BCL2L11: variants seen among roughly 807,000 people sequenced by gnomAD.
BCL2L11 encodes bcl-2-like protein 11.
BCL2L11 carries 15 observed loss-of-function variants against 20.6 expected under a neutral mutation model. That is an observed-to-expected ratio of 0.73 (90% CI 0.49 to 1.12). BCL2L11 has a LOEUF of 1.12. BCL2L11 is among the 50% of genes most tolerant of loss of function. The pLI is 0.00. For synonymous variants in BCL2L11, 108 were observed against 92.8 expected (o/e 1.16, Z -0.94); for missense variants, 292 against 260.9 (o/e 1.12, Z -0.82).
At position 111,133,822 on chromosome 2, in the gene BCL2L11, T is replaced by G. The variant is rs73954945; in HGVS notation, c.394+9683T>G. Among the ~76,000 whole-genome samples the G allele has an allele frequency of 6.1e-3, 929 of 152,330 alleles. 5 individuals carry two copies. The highest frequency in any genetic ancestry group is 0.021 in the African/African-American group (867 of 41,572). ...GTTCTGTCAGTTGCTGAGAATGTGG[T>G]GCTGAAATCCCCAGCTGTTTCCTTT... On this transcript the variant is annotated intron_variant, in intron 2 of 3. Coordinates refer to ENST00000393256, the MANE Select transcript of BCL2L11 (RefSeq NM_138621.5).
chr2:111,123,702 A>G, intron 1 of BCL2L11, 31 bp from the exon 2 acceptor site: 1 of 1,375,470 alleles, frequency 7.3e-7, no homozygotes, highest in Non-Finnish European at 9.5e-7. Context: ...TTTTTTGCTT[A>G]AAATAATCTT....
intron 1 of BCL2L11, chr2:111,123,266 C>T (rs2071629649): frequency 3.0e-6 from 3 of 985,492 alleles, no homozygotes; most frequent in Non-Finnish European, 3.6e-6. Context: ...AGACTTGCTG[C>T]CCTCAGCATT....
intron 1 of BCL2L11, among the ~76,000 whole-genome samples, chr2:111,121,453 C>G (rs1157238677): frequency 6.6e-6 from 1 of 152,232 alleles, no homozygotes; most frequent in Non-Finnish European, 1.5e-5. Context: ...GCGCGCGGGC[C>G]TGGTGAAGGG....
chr2:111,121,004 G>A lies in BCL2L11; in HGVS notation c.-198G>A, dbSNP rs1221934616. 2 of 400,246 alleles carry A rather than the reference G, an allele frequency of 5.0e-6. No homozygotes were observed. The highest frequency in any genetic ancestry group is 4.4e-6 in the Non-Finnish European group (1 of 226,838). The allele number at this position is 400,246 out of a possible 1,614,324, so 24.8% of individuals were successfully genotyped here. ...TGCCGCCGCCGCCGCCGCCGCCGCC[G>A]CCGCCGCCGCCGCCGCCACTACCAC... is the stretch of plus-strand genomic sequence containing the variant. On this transcript the variant is annotated 5_prime_UTR_variant, in exon 1 of 4. Coordinates refer to ENST00000393256, the MANE Select transcript of BCL2L11 (RefSeq NM_138621.5).
In BCL2L11 at chr2:111,164,493, T is replaced by C. The variant is rs1323622237; in HGVS notation, c.*262T>C. 9 of 330,056 alleles carry C rather than the reference T, an allele frequency of 2.7e-5. No homozygotes were observed. The East Asian group carries it at 4.4e-4, about 16-fold the overall frequency. 20.4% of individuals were successfully genotyped at this position (330,056 alleles called of 1,614,324 possible). A position where few individuals can be genotyped will look rare whatever the true frequency, so the allele number is the denominator to read the frequency against. On this transcript the variant is annotated 3_prime_UTR_variant, in exon 4 of 4. Transcript: ENST00000393256. ...TTTTAATATACAAACCATGGTTTTT[T>C]GGAGCAGGATTTTGTGTAAGAATGG...
At chr2:111,124,219 C>T (rs1370013595) in intron 2 of BCL2L11, 80 bp downstream of exon 2, 4 of 1,430,070 alleles carry the variant, frequency 2.8e-6, no homozygotes, top group African/African-American at 1.4e-5. Flanking sequence ...ATTTAAAATC[C>T]CCTTTTAAAA....
chr2:111,146,556 C>T (rs1295737449), intron 2 of BCL2L11, among the ~76,000 whole-genome samples: 1 of 152,138 alleles, frequency 6.6e-6, no homozygotes, highest in Non-Finnish European at 1.5e-5. Context: ...ATCCCTTTGT[C>T]ATCGTGGTGG....
chr2:111,158,216 G>T (rs1024099315), intron 3 of BCL2L11, among the ~76,000 whole-genome samples: 2 of 152,192 alleles, frequency 1.3e-5, no homozygotes, highest in Non-Finnish European at 2.9e-5. Context: ...TCTGACTTCT[G>T]TGTCACTTAG....
chr2:111,159,895 A>G (rs2078347514), intron 3 of BCL2L11, among the ~76,000 whole-genome samples: 2 of 152,216 alleles, frequency 1.3e-5, no homozygotes, highest in African/African-American at 2.4e-5. Flanking sequence ...TCCCTGTTGA[A>G]TGCTCGACAC....
At chr2:111,146,769 C>T (rs186899111) in intron 2 of BCL2L11, among the ~76,000 whole-genome samples, 24 of 152,214 alleles carry the variant, frequency 1.6e-4, no homozygotes, top group African/African-American at 5.5e-4. Context: ...AATAATTGAA[C>T]TTTATGTTGC....
At chr2:111,160,944 C>T (rs1030703913) in intron 3 of BCL2L11, among the ~76,000 whole-genome samples, 1 of 152,168 alleles carries the variant, frequency 6.6e-6, no homozygotes, top group Non-Finnish European at 1.5e-5. Flanking sequence ...GACTGGGTGG[C>T]TCACACAACA....
chr2:111,138,037 A>T (rs1172828315), intron 2 of BCL2L11, among the ~76,000 whole-genome samples: 2 of 137,162 alleles, frequency 1.5e-5, no homozygotes, highest in Non-Finnish European at 3.1e-5. Flanking sequence ...TTGAGATAGA[A>T]TCTTACTGTC....
At chr2:111,142,403 T>G in intron 2 of BCL2L11, 1 of 1,547,574 alleles carries the variant, frequency 6.5e-7, no homozygotes, top group South Asian at 1.2e-5. Context: ...TGAAAAGTTT[T>G]TCTTTTTATT....
In BCL2L11 at chr2:111,120,979, T is replaced by TGCCGCTGCCGCTGCC. The variant is rs1465879075; in HGVS notation, c.-218_-217insTGCCGCTGCCGCCGC. 14 of 336,200 alleles carry TGCCGCTGCCGCTGCC rather than the reference T, an allele frequency of 4.2e-5. No homozygotes were observed. The highest frequency in any genetic ancestry group is 9.3e-5 in the African/African-American group (4 of 42,784). 20.8% of individuals were successfully genotyped at this position (336,200 alleles called of 1,614,324 possible). ...GCTCTGCGTCCAGCGCCGCTGCCGC[T>TGCCGCTGCCGCTGCC]GCCGCCGCCGCCGCCGCCGCCGCCG... On this transcript the variant is annotated 5_prime_UTR_variant, in exon 1 of 4. Coordinates refer to ENST00000393256, the MANE Select transcript of BCL2L11 (RefSeq NM_138621.5).
At chr2:111,142,228 GTTCTT>G (rs1468030903) in intron 2 of BCL2L11, 12 of 1,191,510 alleles carry the variant, frequency 1.0e-5, no homozygotes, top group Non-Finnish European at 1.5e-5. Flanking sequence ...TCTACCTCCT[GTTCTT>G]TTCCTTCTGT....
In BCL2L11 at chr2:111,168,007, C is replaced by G. The variant is rs1344905746; in HGVS notation, c.*3776C>G. On this transcript the variant is annotated 3_prime_UTR_variant, in exon 4 of 4. Coordinates refer to ENST00000393256, the MANE Select transcript of BCL2L11 (RefSeq NM_138621.5). The stretch of plus-strand genomic sequence containing the variant: ...GTGCCTGTGTGTGTCCACTCACGTA[C>G]ACGTGGGGTGGGGGAAACGTGTCTA... 1 of 152,700 alleles carries G rather than the reference C, an allele frequency of 6.5e-6. No homozygotes were observed. The highest frequency in any genetic ancestry group is 1.5e-5 in the Non-Finnish European group (1 of 68,074). 9.5% of individuals were successfully genotyped at this position (152,700 alleles called of 1,614,324 possible).
chr2:111,125,811 A>G (rs1409200157), intron 2 of BCL2L11, among the ~76,000 whole-genome samples: 1 of 152,112 alleles, frequency 6.6e-6, no homozygotes, highest in African/African-American at 2.4e-5. Flanking sequence ...AGGGGCTGGA[A>G]GTTTTATTAT....
intron 2 of BCL2L11, among the ~76,000 whole-genome samples, chr2:111,142,149 A>T (rs1975369): frequency 0.036 from 5,437 of 152,334 alleles, 349 homozygotes; most frequent in African/African-American, 0.12. Flanking sequence ...GACCTTCAAA[A>T]GCACCAGAAC....
chr2:111,159,813 C>T (rs1259712673), intron 3 of BCL2L11, among the ~76,000 whole-genome samples: 2 of 152,230 alleles, frequency 1.3e-5, no homozygotes, highest in African/African-American at 4.8e-5. Context: ...GGTACAGCTC[C>T]TCCCAGGTTG....
Sources: allele counts gnomAD v4.1 joint callset (sites outside exome capture counted in the v4.1 genomes callset), GRCh38; gene constraint gnomAD v4.1.1; transcripts MANE v1.5; gene names NCBI Gene and HGNC (gene_info 2026-07-23, HGNC 2026-07-21).